The following KIF16B variants were observed in gnomAD, a reference collection of about 807,000 sequenced individuals.
The protein encoded by KIF16B is kinesin-like protein KIF16B.
A neutral mutation model predicts 156.3 loss-of-function variants in KIF16B; 98 were observed. The ratio of observed to expected loss-of-function variants is 0.63; its 90% CI spans 0.53 to 0.74. The LOEUF is 0.74. Ranked by LOEUF, KIF16B falls within the 30% of genes least tolerant of loss-of-function variation. The pLI, the probability that KIF16B is intolerant of heterozygous loss-of-function variation, is 0.00. For synonymous variants in KIF16B, 564 were observed against 583.7 expected (o/e 0.97, Z 0.49); for missense variants, 1,421 against 1,606.5 (o/e 0.88, Z 1.97).
chr20:16,283,106 G>A (rs554818880), intron 25 of KIF16B, among the ~76,000 whole-genome samples: 1 of 152,166 alleles, frequency 6.6e-6, no homozygotes, highest in African/African-American at 2.4e-5. Context: ...ACTCAGGGCA[G>A]GGCAAGCTTT....
intron 17 of KIF16B, among the ~76,000 whole-genome samples, chr20:16,384,256 A>G (rs1458701227): frequency 6.6e-6 from 1 of 152,186 alleles, no homozygotes; most frequent in African/African-American, 2.4e-5. Flanking sequence ...TCTGTAAGAG[A>G]GATGTGGTCC....
chr20:16,517,717 G>A (rs1306947678), intron 3 of KIF16B, among the ~76,000 whole-genome samples: 1 of 152,106 alleles, frequency 6.6e-6, no homozygotes, highest in East Asian at 1.9e-4. Flanking sequence ...ACCACCAGTT[G>A]GAGGCTCATT....
intron 12 of KIF16B, among the ~76,000 whole-genome samples, chr20:16,469,591 A>G (rs1193308512): frequency 6.6e-6 from 1 of 152,046 alleles, no homozygotes; most frequent in Non-Finnish European, 1.5e-5. Context: ...AATTAAATGC[A>G]AAGTAAGCAG....
At chr20:16,355,497 A>G (rs994089498) in intron 23 of KIF16B, among the ~76,000 whole-genome samples, 6 of 152,126 alleles carry the variant, frequency 3.9e-5, no homozygotes, top group African/African-American at 1.2e-4. Context: ...TGATCTGAAC[A>G]AAACCACCTA....
intron 17 of KIF16B, among the ~76,000 whole-genome samples, chr20:16,400,866 T>C (rs1254751524): frequency 6.6e-6 from 1 of 152,208 alleles, no homozygotes; most frequent in Non-Finnish European, 1.5e-5. Context: ...ATGGAAGTTA[T>C]ATTTAATGAG....
chr20:16,532,241 C>T (rs2069786555), intron 1 of KIF16B, among the ~76,000 whole-genome samples: 1 of 151,972 alleles, frequency 6.6e-6, no homozygotes, highest in Non-Finnish European at 1.5e-5. Flanking sequence ...GATATGTTAC[C>T]TGGGATTTAC....
chr20:16,495,706 T>C (rs1471033664), intron 11 of KIF16B, among the ~76,000 whole-genome samples: 2 of 152,120 alleles, frequency 1.3e-5, no homozygotes, highest in South Asian at 2.1e-4. Flanking sequence ...TTTTGTTTTT[T>C]AGAGATGGGG....
chr20:16,281,561 CTT>C (rs2063146528), intron 25 of KIF16B, among the ~76,000 whole-genome samples: 1 of 152,166 alleles, frequency 6.6e-6, no homozygotes, highest in African/African-American at 2.4e-5. Flanking sequence ...CTAAATACCT[CTT>C]GTTGGCTTTT....
chr20:16,457,094 C>T (rs1168072314), intron 12 of KIF16B, among the ~76,000 whole-genome samples: 1 of 149,368 alleles, frequency 6.7e-6, no homozygotes, highest in East Asian at 1.9e-4. Context: ...AGAATCTCAG[C>T]AACTCTTCTT....
At chr20:16,291,165 C>T (rs6043870) in intron 25 of KIF16B, among the ~76,000 whole-genome samples, 8,097 of 152,232 alleles carry the variant, frequency 0.053, 282 homozygotes, top group African/African-American at 0.1. Context: ...TTTTCTTTCC[C>T]TAGGACCTTA....
chr20:16,467,359 A>AC (rs2146722626), intron 12 of KIF16B, among the ~76,000 whole-genome samples: 1 of 152,274 alleles, frequency 6.6e-6, no homozygotes, highest in South Asian at 2.1e-4. Flanking sequence ...CTTACCCAGT[A>AC]CATCATGACC....
chr20:16,333,092 C>T lies in KIF16B; in HGVS notation c.3711+2834G>A, dbSNP rs956187921. ...AGGCTCCACATGATAGAGTCCCTTCCTACCTCTTTGCCCACATTCCTCTAC... is the reference window on the plus strand; with the variant it reads ...AGGCTCCACATGATAGAGTCCCTTCTTACCTCTTTGCCCACATTCCTCTAC... On this transcript the variant is annotated intron_variant, in intron 24 of 25. Transcript: ENST00000354981. Among the ~76,000 whole-genome samples the T allele has an allele frequency of 2.0e-5, 3 of 152,084 alleles. No homozygotes were observed. In the East Asian group the frequency reaches 5.8e-4, roughly 29 times the overall value.
chr20:16,312,010 G>T (rs1216718465), intron 25 of KIF16B, among the ~76,000 whole-genome samples: 1 of 152,194 alleles, frequency 6.6e-6, no homozygotes, highest in Non-Finnish European at 1.5e-5. Flanking sequence ...TTTGCAGCAA[G>T]CTTTGTACTC....
chr20:16,493,758 A>G (rs2068367677), intron 12 of KIF16B, among the ~76,000 whole-genome samples: 2 of 152,334 alleles, frequency 1.3e-5, no homozygotes, highest in Non-Finnish European at 1.5e-5. Flanking sequence ...TACTGCTGAC[A>G]TCTTTTCACA....
At chr20:16,290,279 G>A (rs370059149) in intron 25 of KIF16B, among the ~76,000 whole-genome samples, 1 of 152,192 alleles carries the variant, frequency 6.6e-6, no homozygotes, top group Admixed American at 6.6e-5. Flanking sequence ...TTATTTGATG[G>A]CATCACAAAG....
chr20:16,449,442 A>G (rs1033187493), intron 12 of KIF16B, among the ~76,000 whole-genome samples: 1 of 152,230 alleles, frequency 6.6e-6, no homozygotes, highest in Non-Finnish European at 1.5e-5. Context: ...AAAGATCAAG[A>G]GCAAAATAGT....
At chr20:16,537,503 C>T (rs1202457791) in intron 1 of KIF16B, among the ~76,000 whole-genome samples, 3 of 152,062 alleles carry the variant, frequency 2.0e-5, no homozygotes, top group Admixed American at 2.0e-4. Context: ...TGTGGTGCTC[C>T]TAAAATGGCT....
intron 17 of KIF16B, among the ~76,000 whole-genome samples, chr20:16,395,711 A>C (rs56132807): frequency 0.17 from 26,070 of 152,068 alleles, 2,478 homozygotes; most frequent in African/African-American, 0.26. Context: ...GATGGCCAGG[A>C]CTTGCTTTTA....
chr20:16,429,103 G>A (rs995124191), intron 13 of KIF16B, 99 bp from the exon 14 acceptor site: 32 of 970,934 alleles, frequency 3.3e-5, no homozygotes, highest in Non-Finnish European at 5.2e-5. Context: ...TGGCCAATGG[G>A]ATGAACAACA....
Sources: allele counts gnomAD v4.1 joint callset (sites outside exome capture counted in the v4.1 genomes callset), GRCh38; gene constraint gnomAD v4.1.1; transcripts MANE v1.5; gene names NCBI Gene and HGNC (gene_info 2026-07-23, HGNC 2026-07-21).